The following GULP1 variants were observed in gnomAD, a reference collection of about 807,000 sequenced individuals.
GULP1 encodes the protein GULP PTB domain containing engulfment adaptor 1, also known as PTB domain-containing engulfment adapter protein 1.
In GULP1, 19 loss-of-function variants were observed where a neutral mutation model predicts 40.9. That is an observed-to-expected ratio of 0.46 (90% confidence interval 0.32 to 0.68). GULP1 has a LOEUF of 0.68. GULP1 is among the 30% of genes least tolerant of loss of function. GULP1 has a pLI of 0.03. For missense variants in GULP1, 312 were observed against 362.2 expected (o/e 0.86, Z 1.12); for synonymous variants, 119 against 117.6 (o/e 1.01, Z -0.08).
chr2:188,541,342 G>A (rs1442332166), intron 7 of GULP1, 24 bp downstream of exon 7: 1 of 1,606,810 alleles, frequency 6.2e-7, no homozygotes, highest in South Asian at 1.1e-5. Context: ...ATGTTGTAGG[G>A]TGGTTTGTTC....
At chr2:188,370,445 T>C (rs1273050537) in intron 1 of GULP1, among the ~76,000 whole-genome samples, 2 of 152,208 alleles carry the variant, frequency 1.3e-5, no homozygotes, top group Non-Finnish European at 2.9e-5. Flanking sequence ...CACTGAGTTT[T>C]TGAGACTTTC....
chr2:188,484,311 G>A (rs2061682223), intron 4 of GULP1, among the ~76,000 whole-genome samples: 1 of 152,128 alleles, frequency 6.6e-6, no homozygotes, highest in African/African-American at 2.4e-5. Flanking sequence ...TACGCTCTGT[G>A]TCTTTAAAGA....
Position 188,535,601 on chromosome 2 carries a change from G to A in GULP1, c.262-5580G>A, listed in dbSNP as rs139073292. On this transcript the variant is annotated intron_variant, in intron 6 of 11. Coordinates refer to ENST00000409830, the MANE Select transcript of GULP1 (RefSeq NM_016315.4). ...CCAATCTACCGTTAATGGGCACCTC[G>A]GTTAATTACATGTCATTGCCATTAT... 1.0e-3 allele frequency among the ~76,000 whole-genome samples: 156 copies of A among 152,094 alleles called. 1 individual carries two copies. The East Asian group carries it at 0.027, about 26-fold the overall frequency.
chr2:188,449,592 G>A (rs977901815), intron 2 of GULP1, among the ~76,000 whole-genome samples: 5 of 152,194 alleles, frequency 3.3e-5, no homozygotes, highest in African/African-American at 1.2e-4. Flanking sequence ...TCCATGGGTA[G>A]TATAGAGTAT....
chr2:188,310,751 G>A (rs1182890126), intron 1 of GULP1, among the ~76,000 whole-genome samples: 1 of 152,010 alleles, frequency 6.6e-6, no homozygotes, highest in East Asian at 1.9e-4. Context: ...TGATATTTGA[G>A]GAGAATCAGA....
chr2:188,517,515 T>C (rs1172428848), intron 4 of GULP1, among the ~76,000 whole-genome samples: 3 of 152,190 alleles, frequency 2.0e-5, no homozygotes, highest in Non-Finnish European at 4.4e-5. Context: ...TGCTGTTTTT[T>C]TTCCCCCAGT....
At chr2:188,482,499 C>G (rs2061516315) in intron 3 of GULP1, among the ~76,000 whole-genome samples, 1 of 151,692 alleles carries the variant, frequency 6.6e-6, no homozygotes, top group Non-Finnish European at 1.5e-5. Flanking sequence ...ACGTACAAAA[C>G]TACACTAATG....
At chr2:188,404,159 A>G (rs1477878508) in intron 2 of GULP1, among the ~76,000 whole-genome samples, 1 of 152,160 alleles carries the variant, frequency 6.6e-6, no homozygotes, top group Non-Finnish European at 1.5e-5. Flanking sequence ...AAAAGTGAAC[A>G]AAAAATTTGA....
chr2:188,504,542 G>C (rs2063727771), intron 4 of GULP1, among the ~76,000 whole-genome samples: 1 of 151,852 alleles, frequency 6.6e-6, no homozygotes, highest in Admixed American at 6.6e-5. Context: ...ATCCCATTTT[G>C]ACAGAGAGTA....
Position 188,507,386 on chromosome 2 carries a change from C to G in GULP1, c.91-15370C>G, listed in dbSNP as rs148524973. 4.2e-3 allele frequency among the ~76,000 whole-genome samples: 564 copies of G among 133,592 alleles called. 5 individuals are homozygous for G. Among genetic ancestry groups the G allele is most frequent in the African/African-American group, 0.015 (531 of 35,628 alleles). 87.6% of individuals were successfully genotyped at this position (133,592 alleles called of 152,430 possible). A position where few individuals can be genotyped will look rare whatever the true frequency, so the allele number is the denominator to read the frequency against. On this transcript the variant is annotated intron_variant, in intron 4 of 11. Coordinates refer to ENST00000409830, the MANE Select transcript of GULP1 (RefSeq NM_016315.4). ...TGTGTTTCTGGAGCAAAGAGAATACCATTTGTTTTCTTTTTTTTTTTTTTT... is the reference window on the plus strand; with the variant it reads ...TGTGTTTCTGGAGCAAAGAGAATACGATTTGTTTTCTTTTTTTTTTTTTTT...
chr2:188,403,615 A>G (rs915299363), intron 2 of GULP1, among the ~76,000 whole-genome samples: 2 of 152,190 alleles, frequency 1.3e-5, no homozygotes, highest in Admixed American at 1.3e-4. Flanking sequence ...CAGTAGACCA[A>G]AAAGTATGAG....
At chr2:188,311,903 T>G (rs2038206587) in intron 1 of GULP1, among the ~76,000 whole-genome samples, 1 of 148,898 alleles carries the variant, frequency 6.7e-6, no homozygotes, top group African/African-American at 2.4e-5. Flanking sequence ...TATATTATAT[T>G]AATACACATA....
At chr2:188,325,309 A>G (rs1177717561) in intron 1 of GULP1, among the ~76,000 whole-genome samples, 1 of 152,104 alleles carries the variant, frequency 6.6e-6, no homozygotes, top group East Asian at 1.9e-4. Context: ...GCAATTTCTG[A>G]TTATATTTCA....
At chr2:188,303,634 A>G (rs1371536241) in intron 1 of GULP1, among the ~76,000 whole-genome samples, 1 of 152,204 alleles carries the variant, frequency 6.6e-6, no homozygotes, top group Non-Finnish European at 1.5e-5. Flanking sequence ...TGTTAAAAGC[A>G]TGGAGATTGG....
At chr2:188,468,871 G>A (rs990025993) in intron 2 of GULP1, among the ~76,000 whole-genome samples, 1 of 152,164 alleles carries the variant, frequency 6.6e-6, no homozygotes, top group Non-Finnish European at 1.5e-5. Flanking sequence ...CCAACTATAA[G>A]ATCAGCAAGT....
At chr2:188,390,754 G>A (rs1159260485) in intron 2 of GULP1, among the ~76,000 whole-genome samples, 1 of 151,938 alleles carries the variant, frequency 6.6e-6, no homozygotes, top group African/African-American at 2.4e-5. Context: ...TCAGGTCTTA[G>A]ATTTAAGGAT....
intron 7 of GULP1, chr2:188,541,757 A>G: frequency 4.8e-6 from 1 of 206,622 alleles, no homozygotes; most frequent in Non-Finnish European, 9.5e-6. Flanking sequence ...AATATGATCT[A>G]TATGGTTCCT....
chr2:188,371,031 G>A (rs980295930), intron 1 of GULP1, among the ~76,000 whole-genome samples: 3 of 152,124 alleles, frequency 2.0e-5, no homozygotes, highest in African/African-American at 7.2e-5. Context: ...AGAAAATGAT[G>A]TAATTTTTAT....
chr2:188,366,631 T>G (rs2046835919), intron 1 of GULP1, among the ~76,000 whole-genome samples: 1 of 147,278 alleles, frequency 6.8e-6, no homozygotes, highest in Non-Finnish European at 1.5e-5. Flanking sequence ...CTCGCTCTGT[T>G]GCCCAGGCTG....
Sources: allele counts gnomAD v4.1 joint callset (sites outside exome capture counted in the v4.1 genomes callset), GRCh38; gene constraint gnomAD v4.1.1; transcripts MANE v1.5; gene names NCBI Gene and HGNC (gene_info 2026-07-23, HGNC 2026-07-21).